Variants in F13A1 observed in about 807,000 individuals in gnomAD.
F13A1 encodes the protein coagulation factor XIII A chain.
In F13A1, 47 loss-of-function variants were observed where a neutral mutation model predicts 80.1. The observed-to-expected ratio is 0.59, with a 90% CI of 0.46 to 0.75. The LOEUF is 0.75. Ranked by LOEUF, F13A1 falls within the 30% of genes least tolerant of loss-of-function variation. The pLI, the probability that F13A1 is intolerant of heterozygous loss-of-function variation, is 0.00. For synonymous variants in F13A1, 349 were observed against 344.9 expected, an observed-to-expected ratio of 1.01 and a Z score of -0.13; for missense variants, 817 against 930.4, an observed-to-expected ratio of 0.88 and a Z score of 1.59.
chr6:6,311,898 T>G (rs5022677), intron 2 of F13A1, among the ~76,000 whole-genome samples: 106,515 of 145,670 alleles, frequency 0.73, 39,351 homozygotes, highest in East Asian at 0.86. Context: ...ATGAGTTTGG[T>G]TTTTAAAAAT....
At chr6:6,285,839 T>A (rs1758132384) in intron 3 of F13A1, among the ~76,000 whole-genome samples, 1 of 152,184 alleles carries the variant, frequency 6.6e-6, no homozygotes, top group Admixed American at 6.5e-5. Context: ...AGCTTCCCAA[T>A]AAAACCTCAG....
intron 10 of F13A1, among the ~76,000 whole-genome samples, chr6:6,192,415 C>T (rs755750446): frequency 5.3e-5 from 8 of 151,878 alleles, no homozygotes; most frequent in South Asian, 2.1e-4. Context: ...CAGAGGGTAA[C>T]GATAGAGATT....
chr6:6,238,361 A>G (rs910223150), intron 6 of F13A1, among the ~76,000 whole-genome samples: 3 of 152,188 alleles, frequency 2.0e-5, no homozygotes, highest in African/African-American at 7.2e-5. Context: ...GTAACTCAAG[A>G]TGGATCATAG....
chr6:6,200,549 TA>T (rs60759542), intron 8 of F13A1, among the ~76,000 whole-genome samples: 4,814 of 105,134 alleles, frequency 0.046, 198 homozygotes, highest in African/African-American at 0.13. Flanking sequence ...AGACCCTGTC[TA>T]AAAAAAAAAA....
At chr6:6,184,226 G>A (rs1029120965) in intron 10 of F13A1, among the ~76,000 whole-genome samples, 2 of 152,220 alleles carry the variant, frequency 1.3e-5, no homozygotes, top group African/African-American at 4.8e-5. Flanking sequence ...GACTCAGAAG[G>A]GGGAGGCAAA....
At chr6:6,285,812 T>C (rs982226592) in intron 3 of F13A1, among the ~76,000 whole-genome samples, 1 of 152,176 alleles carries the variant, frequency 6.6e-6, no homozygotes, top group Non-Finnish European at 1.5e-5. Flanking sequence ...CAGAAATACC[T>C]GAAACTGGTG....
chr6:6,196,666 T>C (rs1166884400), intron 9 of F13A1, among the ~76,000 whole-genome samples: 3 of 152,186 alleles, frequency 2.0e-5, no homozygotes, highest in Admixed American at 2.0e-4. Context: ...TAAAGAGAGA[T>C]GGAGGCTTAT....
At chr6:6,185,109 ATG>A (rs1761054775) in intron 10 of F13A1, among the ~76,000 whole-genome samples, 1 of 151,068 alleles carries the variant, frequency 6.6e-6, no homozygotes, top group Admixed American at 6.6e-5. Flanking sequence ...GTGGCTCTGG[ATG>A]AGTTACTGAA....
rs200370923 is a variant in F13A1 at position 6,201,703 on chromosome 6, T to TTTTTG, written c.1113-4382_1113-4378dup. ...TGTTTACAGACATTTATTTTCCTGT[T>TTTTTG]TTTTGTTTTGTTTTGTTTTGTTTTC... On this transcript the variant is annotated intron_variant, in intron 8 of 14. Transcript: ENST00000264870. Among the ~76,000 whole-genome samples, 536 of 152,210 alleles carry TTTTTG rather than the reference T, an allele frequency of 3.5e-3. 9 individuals are homozygous for TTTTTG. In the East Asian group the frequency reaches 0.037, roughly 10 times the overall value.
intron 4 of F13A1, among the ~76,000 whole-genome samples, chr6:6,263,753 G>A (rs143265002): frequency 1.3e-3 from 200 of 152,234 alleles, no homozygotes; most frequent in African/African-American, 4.7e-3. Flanking sequence ...AAATGGCACC[G>A]CCATCAACCC....
intron 3 of F13A1, among the ~76,000 whole-genome samples, chr6:6,290,565 G>A (rs1758208863): frequency 6.6e-6 from 1 of 152,068 alleles, no homozygotes. Context: ...AATGTGCCTT[G>A]GGCCTCTATG....
rs528343588 is a variant in F13A1, at chr6:6,162,299, T to A, written c.1908+5159A>T. On this transcript the variant is annotated intron_variant, in intron 13 of 14. Coordinates refer to ENST00000264870, the MANE Select transcript of F13A1 (RefSeq NM_000129.4). This position sits in a 1 kb window ranked among gnomAD's most constrained non-coding sequence, Gnocchi z 4.2. ...AAGGCACGCTTCTCACTGCTCTACA[T>A]ACTGCCGTCCACCTCCCCTCTAGCC... Among the ~76,000 whole-genome samples the A allele has an allele frequency of 6.6e-6, 1 of 152,190 alleles. No homozygotes were observed. The highest frequency in any genetic ancestry group is 1.5e-5 in the Non-Finnish European group (1 of 68,022).
intron 8 of F13A1, among the ~76,000 whole-genome samples, chr6:6,209,881 G>A (rs138762514): frequency 6.4e-4 from 97 of 152,238 alleles, no homozygotes; most frequent in Middle Eastern, 3.4e-3. Context: ...GCAGAGGGGA[G>A]AGAAAATGTT....
At chr6:6,240,414 T>C (rs763255296) in intron 6 of F13A1, among the ~76,000 whole-genome samples, 1 of 151,930 alleles carries the variant, frequency 6.6e-6, no homozygotes, top group African/African-American at 2.4e-5. Context: ...AGACAGGACA[T>C]GTAAAAGGCA....
At chr6:6,201,529 C>A (rs889302481) in intron 8 of F13A1, among the ~76,000 whole-genome samples, 1 of 152,202 alleles carries the variant, frequency 6.6e-6, no homozygotes, top group Non-Finnish European at 1.5e-5. Context: ...ATCTCTTTCA[C>A]CATGCAATCC....
chr6:6,205,891 T>C (rs1478596933), intron 8 of F13A1, among the ~76,000 whole-genome samples: 1 of 152,200 alleles, frequency 6.6e-6, no homozygotes, highest in African/African-American at 2.4e-5. Context: ...CCATCATTAG[T>C]TAGCAGAAAG....
At chr6:6,299,932 G>A (rs1375905347) in intron 3 of F13A1, among the ~76,000 whole-genome samples, 1 of 147,214 alleles carries the variant, frequency 6.8e-6, no homozygotes, top group Non-Finnish European at 1.5e-5. Flanking sequence ...TTTTTGGTGT[G>A]GATGTCCTTT....
intron 6 of F13A1, among the ~76,000 whole-genome samples, chr6:6,239,162 C>T (rs145510980): frequency 4.5e-4 from 69 of 152,192 alleles, no homozygotes; most frequent in African/African-American, 1.6e-3. Context: ...TAAAATACTT[C>T]TTAGTAATGG....
At chr6:6,281,342 T>C (rs891079035) in intron 3 of F13A1, among the ~76,000 whole-genome samples, 12 of 152,142 alleles carry the variant, frequency 7.9e-5, no homozygotes, top group African/African-American at 2.7e-4. Flanking sequence ...GATTTTACAG[T>C]CTCAATGTAA....
Sources: gnomAD v4.1 joint callset for allele counts (sites outside exome capture counted in the v4.1 genomes callset) on GRCh38, gnomAD v4.1.1 for gene constraint, Gnocchi (gnomAD v3.1) non-coding constraint, MANE v1.5 for transcripts, NCBI Gene and HGNC (gene_info 2026-07-23, HGNC 2026-07-21) for gene names.